The following RWDD1 variants were observed in gnomAD, a reference collection of about 807,000 sequenced individuals.
RWDD1 encodes RWD domain containing 1, also known as RWD domain-containing protein 1.
A neutral mutation model predicts 31.6 loss-of-function variants in RWDD1; 17 were observed. That is an observed-to-expected ratio of 0.54 (90% CI 0.37 to 0.81). The LOEUF (loss-of-function observed/expected upper bound fraction) is 0.81. Among genes scored for constraint, RWDD1 ranks in the 30% least tolerant of loss-of-function variants. The pLI is 0.00. For missense variants in RWDD1, 204 were observed against 274.5 expected (o/e 0.74, Z 1.82); for synonymous variants, 78 against 94.2 (o/e 0.83, Z 0.99).
rs1046838187 is a variant in RWDD1, at chr6:116,594,953, T to C, written c.*1852T>C. 9 of 152,232 alleles carry C rather than the reference T, an allele frequency of 5.9e-5. No homozygotes were observed. The highest frequency in any genetic ancestry group is 2.2e-4 in the African/African-American group (9 of 41,472). 9.4% of individuals were successfully genotyped at this position (152,232 alleles called of 1,614,324 possible). A position where few individuals can be genotyped will look rare whatever the true frequency, so the allele number is the denominator to read the frequency against. The stretch of plus-strand genomic sequence containing the variant: ...TTACCATTGAGGAGTTTAATACTTT[T>C]CAAGGAATCTTCACGTCAGCCTTGA... On this transcript the variant is annotated 3_prime_UTR_variant, in exon 7 of 7. Transcript: ENST00000466444.
intron 3 of RWDD1, among the ~76,000 whole-genome samples, 162 bp from the exon 4 acceptor site, chr6:116,588,680 C>T (rs9488975): frequency 0.02 from 3,095 of 151,944 alleles, 102 homozygotes; most frequent in African/African-American, 0.07. Context: ...CACATTTACA[C>T]GACTTTTTAA....
At position 116,594,333 on chromosome 6, in the gene RWDD1, AATTTAAATTAAAATTTAAATTACAGT is replaced by A. The variant is rs1775206915; in HGVS notation, c.*1243_*1268del. 2 of 152,116 alleles carry A rather than the reference AATTTAAATTAAAATTTAAATTACAGT, an allele frequency of 1.3e-5. No individual in the cohort carries two copies. The highest frequency in any genetic ancestry group is 1.3e-4 in the Admixed American group (2 of 15,272). 9.4% of individuals were successfully genotyped at this position (152,116 alleles called of 1,614,324 possible). On this transcript the variant is annotated 3_prime_UTR_variant, in exon 7 of 7. Transcript: ENST00000466444. Reference sequence around the variant, plus strand: ...AGCAGTCTTAAAGTATTTAAATTAGAATTTAAATTAAAATTTAAATTACAGTATTTAAATTAGAATCATTTGTGGAG... The same window carrying A: ...AGCAGTCTTAAAGTATTTAAATTAGAATTTAAATTAGAATCATTTGTGGAG...
chr6:116,580,198 G>A, intron 1 of RWDD1, 97 bp from the exon 2 acceptor site: 2 of 679,630 alleles, frequency 2.9e-6, no homozygotes, highest in East Asian at 5.7e-5. Context: ...ATAGCCTAGG[G>A]ACCAGTTTCT....
intron 2 of RWDD1, among the ~76,000 whole-genome samples, chr6:116,583,634 T>C (rs1210251627): frequency 6.6e-6 from 1 of 152,152 alleles, no homozygotes; most frequent in Non-Finnish European, 1.5e-5. Flanking sequence ...AAACATCACA[T>C]TGTACACCTT....
intron 6 of RWDD1, 102 bp downstream of exon 6, chr6:116,591,052 G>A: frequency 2.1e-6 from 3 of 1,424,312 alleles, no homozygotes; most frequent in Non-Finnish European, 2.7e-6. Flanking sequence ...CTTGAGCCCA[G>A]GAGTTTGAGA....
rs117626526 is a variant in RWDD1, at chr6:116,582,794, A to T, written c.140-1933A>T. Reference sequence around the variant, plus strand: ...ATTTTCTTCCTTGTGCTGATTTTACACCCAGTTTTTTCTTTTTCTAGTTCC... The same window carrying T: ...ATTTTCTTCCTTGTGCTGATTTTACTCCCAGTTTTTTCTTTTTCTAGTTCC... On this transcript the variant is annotated intron_variant, in intron 2 of 6. Coordinates refer to ENST00000466444, the MANE Select transcript of RWDD1 (RefSeq NM_015952.4). 6.4e-3 allele frequency among the ~76,000 whole-genome samples: 964 copies of T among 151,408 alleles called. 4 individuals are homozygous for T. The highest frequency in any genetic ancestry group is 0.014 in the South Asian group (68 of 4,802).
At chr6:116,582,196 C>T (rs1023715480) in intron 2 of RWDD1, among the ~76,000 whole-genome samples, 2 of 150,790 alleles carry the variant, frequency 1.3e-5, no homozygotes, top group Non-Finnish European at 3.0e-5. Context: ...TTTTATTTTT[C>T]CATTATTTTA....
intron 2 of RWDD1, among the ~76,000 whole-genome samples, chr6:116,581,336 A>G (rs1449696106): frequency 2.0e-5 from 3 of 152,114 alleles, no homozygotes; most frequent in Non-Finnish European, 4.4e-5. Context: ...ATGGGTTCCA[A>G]AATGGTGTGG....
At chr6:116,575,598 T>G (rs1313364706) in intron 1 of RWDD1, among the ~76,000 whole-genome samples, 2 of 152,244 alleles carry the variant, frequency 1.3e-5, no homozygotes, top group African/African-American at 4.8e-5. Context: ...TCCCTTTTTC[T>G]GTTTTTAAAA....
intron 5 of RWDD1, 49 bp from the exon 6 acceptor site, chr6:116,590,839 G>C: frequency 6.5e-7 from 1 of 1,533,648 alleles, no homozygotes; most frequent in Non-Finnish European, 8.7e-7. Context: ...AGTGAAAATG[G>C]AGAAAAACTA....
intron 2 of RWDD1, among the ~76,000 whole-genome samples, chr6:116,581,243 T>G (rs1373691946): frequency 2.0e-5 from 3 of 152,148 alleles, no homozygotes; most frequent in Non-Finnish European, 4.4e-5. Flanking sequence ...AAATAAATAC[T>G]ATACTGACTG....
Position 116,594,809 on chromosome 6 carries a change from T to C in RWDD1, c.*1708T>C, listed in dbSNP as rs1215113332. On this transcript the variant is annotated 3_prime_UTR_variant, in exon 7 of 7. Coordinates refer to ENST00000466444, the MANE Select transcript of RWDD1 (RefSeq NM_015952.4). Reference sequence around the variant, plus strand: ...CTATTTTAAATTCATAAAGCTATTATAAAGAGCTGCCTCCAGTAAAAAATA... The same window carrying C: ...CTATTTTAAATTCATAAAGCTATTACAAAGAGCTGCCTCCAGTAAAAAATA... 1 of 152,226 alleles carries C rather than the reference T, an allele frequency of 6.6e-6. No individual in the cohort carries two copies. The highest frequency in any genetic ancestry group is 1.9e-4 in the East Asian group (1 of 5,202). 9.4% of individuals were successfully genotyped at this position (152,226 alleles called of 1,614,324 possible).
intron 1 of RWDD1, among the ~76,000 whole-genome samples, chr6:116,571,948 T>A (rs1315170270): frequency 1.3e-5 from 2 of 152,038 alleles, no homozygotes; most frequent in African/African-American, 2.4e-5. Flanking sequence ...CAACCTGAGA[T>A]TTATAATACA....
At chr6:116,587,164 C>T (rs1488576324) in intron 3 of RWDD1, among the ~76,000 whole-genome samples, 1 of 152,152 alleles carries the variant, frequency 6.6e-6, no homozygotes, top group East Asian at 1.9e-4. Flanking sequence ...GACACCATCC[C>T]TGGTCTCACA....
chr6:116,587,670 GT>G, intron 3 of RWDD1, among the ~76,000 whole-genome samples: 1 of 145,926 alleles, frequency 6.9e-6, no homozygotes, highest in East Asian at 1.9e-4. Flanking sequence ...CTCTCTGTGT[GT>G]ATGTGTGTGT....
chr6:116,591,207 T>G (rs1373119168), intron 6 of RWDD1, among the ~76,000 whole-genome samples: 1 of 152,220 alleles, frequency 6.6e-6, no homozygotes, highest in Non-Finnish European at 1.5e-5. Context: ...CCAAGGCTGT[T>G]AAAAAATACA....
chr6:116,580,367 C>T lies in RWDD1; in HGVS notation c.139+7C>T. 5 of 1,582,188 alleles carry T rather than the reference C, an allele frequency of 3.2e-6. No homozygotes were observed. The highest frequency in any genetic ancestry group is 3.5e-6 in the Non-Finnish European group (4 of 1,159,146). On this transcript the variant is annotated splice_region_variant and intron_variant, in intron 2 of 6. Coordinates refer to ENST00000466444, the MANE Select transcript of RWDD1 (RefSeq NM_015952.4). The stretch of plus-strand genomic sequence containing the variant: ...GCTGGAGAAAATGATGAAAGTAAGT[C>T]TTATAAAAAATACTTGTGGTTTTTC...
intron 1 of RWDD1, among the ~76,000 whole-genome samples, chr6:116,576,466 T>C (rs998573421): frequency 1.3e-5 from 2 of 152,234 alleles, no homozygotes; most frequent in Non-Finnish European, 2.9e-5. Context: ...TTTGTTCCCA[T>C]GCTTGTATTG....
rs1023628166 is a variant in RWDD1, at chr6:116,596,635, C to T, written c.*3534C>T. On this transcript the variant is annotated 3_prime_UTR_variant, in exon 7 of 7. Transcript: ENST00000466444. ...ATTTTTTAGTTCAACTTTTGACAAC[C>T]TTATATTCATTGACACCATGGACAG... is the stretch of plus-strand genomic sequence containing the variant. The T allele has an allele frequency of 6.6e-6, 1 of 152,036 alleles. No homozygotes were observed. Among genetic ancestry groups the T allele is most frequent in the African/African-American group, 2.4e-5 (1 of 41,386 alleles). The allele number at this position is 152,036 out of a possible 1,614,324, so 9.4% of individuals were successfully genotyped here. A position where few individuals can be genotyped will look rare whatever the true frequency, so the allele number is the denominator to read the frequency against.
Sources: allele counts gnomAD v4.1 joint callset (sites outside exome capture counted in the v4.1 genomes callset), GRCh38; gene constraint gnomAD v4.1.1; transcripts MANE v1.5; gene names NCBI Gene and HGNC (gene_info 2026-07-23, HGNC 2026-07-21).